FGD4: variants seen among roughly 807,000 people sequenced by gnomAD.
FGD4 encodes FYVE, RhoGEF and PH domain-containing protein 4.
Under a neutral mutation model 102.0 loss-of-function variants are expected in FGD4, and 42 were observed. The observed-to-expected ratio is 0.41, with a 90% CI of 0.32 to 0.53. The LOEUF is 0.53. FGD4 is among the 20% of genes least tolerant of loss of function. FGD4 has a pLI of 0.21. For synonymous variants in FGD4, 380 were observed against 375.7 expected, an observed-to-expected ratio of 1.01 and a Z score of -0.13; for missense variants, 902 against 1,078.2, an observed-to-expected ratio of 0.84 and a Z score of 2.29.
At chr12:32,552,561 C>T (rs1198027786) in intron 1 of FGD4, among the ~76,000 whole-genome samples, 6 of 149,834 alleles carry the variant, frequency 4.0e-5, no homozygotes, top group South Asian at 2.1e-4. Context: ...GGATTACAGG[C>T]GTGAACCACC....
Position 32,399,727 on chromosome 12 carries a change from C to A in FGD4, c.-67C>A. ...CGAACCTGGGCATGCAGGCGACGCC[C>A]CCCAGGGGCCGCTCGCGGCTGGACG... On this transcript the variant is annotated 5_prime_UTR_variant, in exon 1 of 17. Transcript: ENST00000534526. 1.3e-6 allele frequency: 2 copies of A among 1,508,820 alleles called. No individual in the cohort carries two copies. Among genetic ancestry groups the A allele is most frequent in the East Asian group, 2.6e-5 (1 of 38,124 alleles). 93.5% of individuals were successfully genotyped at this position (1,508,820 alleles called of 1,614,324 possible). A position where few individuals can be genotyped will look rare whatever the true frequency, so the allele number is the denominator to read the frequency against.
intron 2 of FGD4, among the ~76,000 whole-genome samples, chr12:32,573,521 C>T (rs960258862): frequency 6.6e-6 from 1 of 152,186 alleles, no homozygotes; most frequent in African/African-American, 2.4e-5. Flanking sequence ...TTTCATTCAT[C>T]AGTTAGGTAT....
At chr12:32,423,856 G>A (rs981136491) in intron 1 of FGD4, among the ~76,000 whole-genome samples, 5 of 146,946 alleles carry the variant, frequency 3.4e-5, no homozygotes, top group South Asian at 2.1e-4. Flanking sequence ...GGCACTGGTG[G>A]GAGTGTTTTT....
chr12:32,636,555 A>C (rs532602335), intron 15 of FGD4, among the ~76,000 whole-genome samples: 4 of 151,724 alleles, frequency 2.6e-5, no homozygotes, highest in Admixed American at 6.6e-5. Context: ...AAAATTGTCT[A>C]TGCTGAAGCA....
Position 32,642,791 on chromosome 12 carries a change from T to C in FGD4, c.*2258T>C, listed in dbSNP as rs1951223452. The C allele has an allele frequency of 6.6e-6, 1 of 152,344 alleles. No homozygotes were observed. The highest frequency in any genetic ancestry group is 2.4e-5 in the African/African-American group (1 of 41,442). 9.4% of individuals were successfully genotyped at this position (152,344 alleles called of 1,614,324 possible). A position where few individuals can be genotyped will look rare whatever the true frequency, so the allele number is the denominator to read the frequency against. On this transcript the variant is annotated 3_prime_UTR_variant, in exon 17 of 17. Coordinates refer to ENST00000534526, the MANE Select transcript of FGD4 (RefSeq NM_001370298.3). Reference sequence around the variant, plus strand: ...CGCAAAGAGAAGCAGTGAAACAGCCTTACCCGCTTCTCTCTTATTAAAGAA... The same window carrying C: ...CGCAAAGAGAAGCAGTGAAACAGCCCTACCCGCTTCTCTCTTATTAAAGAA...
rs533477269 is a variant in FGD4, at chr12:32,548,110, A to G, written c.167-16027A>G. 2.0e-5 allele frequency among the ~76,000 whole-genome samples: 3 copies of G among 152,294 alleles called. No individual in the cohort carries two copies. In the South Asian group the frequency reaches 6.2e-4, roughly 32 times the overall value. On this transcript the variant is annotated intron_variant, in intron 1 of 16. Coordinates refer to ENST00000534526, the MANE Select transcript of FGD4 (RefSeq NM_001370298.3). ...TCGGTGTATCCCTTCCTGAAGCTAT[A>G]TGTTACCTTGCATTTACAGAGTTGA...
chr12:32,603,322 A>C (rs1455734456), intron 7 of FGD4, among the ~76,000 whole-genome samples: 3 of 152,184 alleles, frequency 2.0e-5, no homozygotes. Context: ...TGAATGAATG[A>C]AGAATGAAGT....
intron 10 of FGD4, among the ~76,000 whole-genome samples, chr12:32,612,760 G>A (rs1949224850): frequency 6.6e-6 from 1 of 152,058 alleles, no homozygotes; most frequent in South Asian, 2.1e-4. Context: ...CTGGTTGTAA[G>A]TCTTGTGTCT....
intron 1 of FGD4, among the ~76,000 whole-genome samples, chr12:32,445,911 A>C (rs1591916352): frequency 6.6e-6 from 1 of 152,340 alleles, no homozygotes; most frequent in Non-Finnish European, 1.5e-5. Context: ...TCACACCTGT[A>C]ATCCCAGCAC....
At chr12:32,520,977 C>G (rs1462438355) in intron 1 of FGD4, among the ~76,000 whole-genome samples, 3 of 152,106 alleles carry the variant, frequency 2.0e-5, no homozygotes, top group Admixed American at 2.0e-4. Flanking sequence ...CTTGTTTGCT[C>G]TCCCTTTGGT....
rs1565749005 is a variant in FGD4 at position 32,453,212 on chromosome 12, A to ATATATATATC, written c.166+53261_166+53262insTCTATATATA. Among the ~76,000 whole-genome samples the ATATATATATC allele has an allele frequency of 5.6e-3, 312 of 55,612 alleles. 2 individuals carry two copies. Among genetic ancestry groups the ATATATATATC allele is most frequent in the African/African-American group, 0.013 (299 of 23,546 alleles). 36.5% of individuals were successfully genotyped at this position (55,612 alleles called of 152,430 possible). A position where few individuals can be genotyped will look rare whatever the true frequency, so the allele number is the denominator to read the frequency against. On this transcript the variant is annotated intron_variant, in intron 1 of 16. Transcript: ENST00000534526. Reference sequence around the variant, plus strand: ...TTTTATATATATATTATATATATATATATATATAATATAGATATATATATA... The same window carrying ATATATATATC: ...TTTTATATATATATTATATATATATATATATATATCTATATATAATATAGATATATATATA...
At chr12:32,454,083 G>T (rs1239086510) in intron 1 of FGD4, among the ~76,000 whole-genome samples, 1 of 151,992 alleles carries the variant, frequency 6.6e-6, no homozygotes, top group African/African-American at 2.4e-5. Flanking sequence ...AAAAAAAAAG[G>T]TTTATTTCCT....
At chr12:32,570,236 GTC>G (rs1170810856) in intron 2 of FGD4, among the ~76,000 whole-genome samples, 5 of 81,246 alleles carry the variant, frequency 6.2e-5, no homozygotes, top group African/African-American at 1.6e-4. Context: ...GCAAGACGCT[GTC>G]TCAAAAAAAA....
intron 1 of FGD4, among the ~76,000 whole-genome samples, chr12:32,459,865 A>AT (rs905927291): frequency 4.0e-5 from 6 of 150,818 alleles, no homozygotes; most frequent in East Asian, 2.0e-4. Context: ...CATCTGGCTG[A>AT]TTTTTTTTGT....
At chr12:32,585,719 A>G (rs896548126) in intron 4 of FGD4, among the ~76,000 whole-genome samples, 2 of 151,338 alleles carry the variant, frequency 1.3e-5, no homozygotes, top group African/African-American at 4.9e-5. Flanking sequence ...CTGTAGTCCC[A>G]GCTACTCGGG....
intron 1 of FGD4, among the ~76,000 whole-genome samples, chr12:32,509,802 G>C (rs1939173874): frequency 6.6e-6 from 1 of 152,190 alleles, no homozygotes; most frequent in African/African-American, 2.4e-5. Flanking sequence ...TCCTCTAGGT[G>C]TGTGACCTGT....
intron 1 of FGD4, among the ~76,000 whole-genome samples, chr12:32,420,209 T>C (rs1261965855): frequency 6.6e-6 from 1 of 152,168 alleles, no homozygotes; most frequent in African/African-American, 2.4e-5. Flanking sequence ...AAGTGCCGTA[T>C]TTTGGGGTAT....
At position 32,425,190 on chromosome 12, in the gene FGD4, CT is replaced by C. The variant is rs570020623; in HGVS notation, c.166+25235del. Among the ~76,000 whole-genome samples the C allele has an allele frequency of 4.6e-5, 7 of 152,116 alleles. No individual in the cohort carries two copies. In the South Asian group the frequency reaches 1.2e-3, roughly 27 times the overall value. The stretch of plus-strand genomic sequence containing the variant: ...GTATTGCTTAGGTTTTCTTCTAGGG[CT>C]TTTAAGGTTTTAGGTCTTACATTTA... On this transcript the variant is annotated intron_variant, in intron 1 of 16. Transcript: ENST00000534526.
chr12:32,446,056 G>A (rs1942603825), intron 1 of FGD4, among the ~76,000 whole-genome samples: 1 of 152,160 alleles, frequency 6.6e-6, no homozygotes. Flanking sequence ...AGGAGACTGA[G>A]GTGGGAGAAT....
Sources: gnomAD v4.1 joint callset for allele counts (sites outside exome capture counted in the v4.1 genomes callset) on GRCh38, gnomAD v4.1.1 for gene constraint, MANE v1.5 for transcripts, NCBI Gene and HGNC (gene_info 2026-07-23, HGNC 2026-07-21) for gene names.